The following SMG7 variants were observed in gnomAD, a reference collection of about 807,000 sequenced individuals.
SMG7 encodes the protein nonsense-mediated mRNA decay factor SMG7.
SMG7 carries 34 observed loss-of-function variants against 148.2 expected under a neutral mutation model. The observed-to-expected ratio is 0.23, with a 90% confidence interval of 0.17 to 0.31. The LOEUF (loss-of-function observed/expected upper bound fraction) is 0.31. SMG7 is among the 10% of genes least tolerant of loss of function. The pLI is 1.00. For missense variants in SMG7, 1,114 were observed against 1,408.4 expected (o/e 0.79, Z 3.35); for synonymous variants, 492 against 515.1 (o/e 0.96, Z 0.61).
intron 14 of SMG7, among the ~76,000 whole-genome samples, chr1:183,542,928 TGTGTG>T (rs1018400468): frequency 2.3e-5 from 1 of 43,180 alleles, no homozygotes; most frequent in Non-Finnish European, 5.2e-5. Flanking sequence ...TATATATATA[TGTGTG>T]TGTGTGTGTG....
intron 1 of SMG7, among the ~76,000 whole-genome samples, chr1:183,487,056 C>T (rs1655623118): frequency 6.6e-6 from 1 of 152,164 alleles, no homozygotes; most frequent in African/African-American, 2.4e-5. Flanking sequence ...AGATGTAGGA[C>T]CAGTAGCGGT....
chr1:183,486,819 T>C (rs1655551284), intron 1 of SMG7, among the ~76,000 whole-genome samples: 1 of 152,132 alleles, frequency 6.6e-6, no homozygotes, highest in South Asian at 2.1e-4. Context: ...CACCTCAGCC[T>C]CCTGAGTAGC....
chr1:183,515,470 A>G (rs1663265281), intron 2 of SMG7, among the ~76,000 whole-genome samples: 1 of 152,192 alleles, frequency 6.6e-6, no homozygotes, highest in Non-Finnish European at 1.5e-5. Flanking sequence ...GCTTTGGAAA[A>G]AGAGATACAG....
At chr1:183,548,673 C>G (rs533510796) in intron 18 of SMG7, among the ~76,000 whole-genome samples, 2 of 152,266 alleles carry the variant, frequency 1.3e-5, no homozygotes, top group Admixed American at 1.3e-4. Context: ...CTTTGTTTCT[C>G]CTAATAACTT....
rs757787584 is a variant in SMG7, at chr1:183,553,608, G to GTCCCCC, written c.*1677_*1678insTCCCCC. 2 of 128,296 alleles carry GTCCCCC rather than the reference G, an allele frequency of 1.6e-5. No homozygotes were observed. Among genetic ancestry groups the GTCCCCC allele is most frequent in the Non-Finnish European group, 3.4e-5 (2 of 59,302 alleles). 7.9% of individuals were successfully genotyped at this position (128,296 alleles called of 1,614,324 possible). Reference sequence around the variant, plus strand: ...TTGCTCTTCAGAGAGAGTGGTTGGAGCCCCCCCCGCCCCGTATGCTTACAT... The same window carrying GTCCCCC: ...TTGCTCTTCAGAGAGAGTGGTTGGAGTCCCCCCCCCCCCCGCCCCGTATGCTTACAT... On this transcript the variant is annotated 3_prime_UTR_variant, in exon 23 of 23. Transcript: ENST00000688051.
At chr1:183,533,506 T>C (rs976484093) in intron 9 of SMG7, among the ~76,000 whole-genome samples, 170 bp from the exon 10 acceptor site, 2 of 152,168 alleles carry the variant, frequency 1.3e-5, no homozygotes, top group Non-Finnish European at 2.9e-5. Flanking sequence ...TACCCCCTCA[T>C]CAAGTTGTAA....
chr1:183,500,925 G>T (rs1659583155), intron 1 of SMG7, among the ~76,000 whole-genome samples: 1 of 152,176 alleles, frequency 6.6e-6, no homozygotes, highest in Admixed American at 6.6e-5. Context: ...TTCCACTAAA[G>T]TGCGACTAAA....
chr1:183,523,268 A>C (rs913650394), intron 4 of SMG7, among the ~76,000 whole-genome samples: 1 of 152,190 alleles, frequency 6.6e-6, no homozygotes, highest in Non-Finnish European at 1.5e-5. Context: ...GATAGTGTAA[A>C]AATTGATAAA....
At chr1:183,550,047 T>A (rs1347025996) in intron 20 of SMG7, 124 bp downstream of exon 20, 1 of 734,456 alleles carries the variant, frequency 1.4e-6, no homozygotes, top group Non-Finnish European at 2.1e-6. Flanking sequence ...TTTGTTTGTT[T>A]GTTTTTGTAA....
intron 1 of SMG7, among the ~76,000 whole-genome samples, chr1:183,505,994 A>C (rs1660803719): frequency 6.6e-6 from 1 of 152,190 alleles, no homozygotes; most frequent in South Asian, 2.1e-4. Flanking sequence ...TCTGAACTCC[A>C]AGGCATGTCA....
In SMG7 at chr1:183,528,962, C is replaced by T; in HGVS notation, c.627C>T (p.Tyr209=). ...KGDHLTTIFY[Y]CRSIAVKFPF... ...ACCATCTGACCACAATTTTCTACTACTGCAGAAGCATTGCTGTGAAGTTCC... is the reference window on the plus strand; with the variant it reads ...ACCATCTGACCACAATTTTCTACTATTGCAGAAGCATTGCTGTGAAGTTCC... Residue 209 remains tyrosine, a synonymous_variant, in exon 7 of 23, where the codon TAC becomes TAT. Transcript: ENST00000688051. 1 of 1,613,542 alleles carries T rather than the reference C, an allele frequency of 6.2e-7. No homozygotes were observed. The highest frequency in any genetic ancestry group is 8.5e-7 in the Non-Finnish European group (1 of 1,179,504).
intron 2 of SMG7, chr1:183,513,147 A>G (rs985000603): frequency 6.0e-6 from 2 of 334,782 alleles, no homozygotes; most frequent in Admixed American, 9.6e-5. Context: ...ACTTTTTATT[A>G]ATGATTTAAG....
At chr1:183,520,902 A>G (rs189443977) in intron 4 of SMG7, among the ~76,000 whole-genome samples, 45 of 152,246 alleles carry the variant, frequency 3.0e-4, no homozygotes, top group African/African-American at 1.1e-3. Flanking sequence ...GAAAATATGG[A>G]TACTCTCTGA....
intron 20 of SMG7, among the ~76,000 whole-genome samples, chr1:183,550,285 G>T (rs1301861379): frequency 1.3e-5 from 2 of 152,046 alleles, no homozygotes; most frequent in African/African-American, 4.8e-5. Context: ...GCCCACTCTA[G>T]ACTCAAACTC....
intron 4 of SMG7, 122 bp downstream of exon 4, chr1:183,517,942 C>T (rs1663910552): frequency 1.0e-6 from 1 of 969,232 alleles, no homozygotes; most frequent in South Asian, 1.6e-5. Context: ...AGGGATTGAT[C>T]ACCTATAATC....
At chr1:183,473,992 T>C in intron 1 of SMG7, 1 of 401,154 alleles carries the variant, frequency 2.5e-6, no homozygotes, top group Non-Finnish European at 3.4e-6. Context: ...AATGATGAGA[T>C]ATTTGAACAA....
chr1:183,551,738 A>T, intron 22 of SMG7, 80 bp from the exon 23 acceptor site: 1 of 1,137,682 alleles, frequency 8.8e-7, no homozygotes, highest in Non-Finnish European at 1.2e-6. Flanking sequence ...ATATGCCTTT[A>T]TATTTGGCTG....
At chr1:183,535,352 CTCCATTTTTTTCT>C (rs1439976670) in intron 10 of SMG7, among the ~76,000 whole-genome samples, 1 of 152,086 alleles carries the variant, frequency 6.6e-6, no homozygotes, top group East Asian at 1.9e-4. Flanking sequence ...CATTTTTTCC[CTCCATTTTTTTCT>C]GTCATTTACT....
chr1:183,537,142 C>T lies in SMG7; in HGVS notation c.1164-3C>T, dbSNP rs970885029. 6.2e-7 allele frequency: 1 copy of T among 1,608,504 alleles called. No individual in the cohort carries two copies. The highest frequency in any genetic ancestry group is 8.5e-7 in the Non-Finnish European group (1 of 1,175,090). ...AAGTCTGAACTCTTTCTTTAATTTA[C>T]AGCATTTGGCCCTGGTTGATTTCTC... On this transcript the variant is annotated splice_polypyrimidine_tract_variant and splice_region_variant and intron_variant, in intron 10 of 22. Transcript: ENST00000688051.
Sources: allele counts gnomAD v4.1 joint callset (sites outside exome capture counted in the v4.1 genomes callset), GRCh38; gene constraint gnomAD v4.1.1; transcripts MANE v1.5; gene names NCBI Gene and HGNC (gene_info 2026-07-23, HGNC 2026-07-21).